The following CSNK2A2 variants were observed in gnomAD, a reference collection of about 807,000 sequenced individuals.
The protein encoded by CSNK2A2 is casein kinase II subunit alpha'.
A neutral mutation model predicts 54.0 loss-of-function variants in CSNK2A2; 8 were observed. The observed-to-expected ratio is 0.15, with a 90% CI of 0.09 to 0.27. CSNK2A2 has a LOEUF of 0.27. Among genes scored for constraint, CSNK2A2 ranks in the 10% least tolerant of loss-of-function variants. CSNK2A2 has a pLI of 1.00. For synonymous variants in CSNK2A2, 141 were observed against 153.9 expected (o/e 0.92, Z 0.62); for missense variants, 242 against 439.4 (o/e 0.55, Z 4.02).
intron 2 of CSNK2A2, among the ~76,000 whole-genome samples, chr16:58,190,919 T>C (rs1055943110): frequency 6.6e-6 from 1 of 152,200 alleles, no homozygotes; most frequent in Non-Finnish European, 1.5e-5. Context: ...CAGGAGATAT[T>C]TGTACACTCA....
chr16:58,185,658 T>A (rs1173961566), intron 3 of CSNK2A2, among the ~76,000 whole-genome samples: 1 of 152,218 alleles, frequency 6.6e-6, no homozygotes, highest in Admixed American at 6.5e-5. Flanking sequence ...ATAAAATCAA[T>A]TTGTGCTAAA....
Position 58,196,764 on chromosome 16 carries a change from T to C in CSNK2A2, c.185A>G (p.Asn62Ser), listed in dbSNP as rs752039831. ...GATTTTTACAACCACTCTCTCATTG[T>C]TGGTGATATTAATGGCCTCAAATAC... ...SEVFEAINIT[N>S]NERVVVKILK... The change falls in exon 2 of 12, where the codon AAC (asparagine) becomes AGC (serine). Residue 62 changes from asparagine to serine, a missense_variant. Asn to Ser is a conservative substitution (Grantham distance 46). Around this residue, in one of 5 missense-constraint regions of CSNK2A2, gnomAD observed 69 missense variants for 97.0 expected, o/e 0.71. Transcript: ENST00000262506. 15 of 1,613,652 alleles carry C rather than the reference T, an allele frequency of 9.3e-6. No individual in the cohort carries two copies. Among genetic ancestry groups the C allele is most frequent in the African/African-American group, 2.7e-5 (2 of 74,920 alleles).
intron 2 of CSNK2A2, among the ~76,000 whole-genome samples, chr16:58,192,359 C>T (rs1009579731): frequency 3.3e-5 from 5 of 151,694 alleles, no homozygotes; most frequent in African/African-American, 1.2e-4. Context: ...CTCAAATAAA[C>T]TCATATATTA....
chr16:58,191,952 G>A (rs1230588898), intron 2 of CSNK2A2, among the ~76,000 whole-genome samples: 1 of 152,132 alleles, frequency 6.6e-6, no homozygotes, highest in Non-Finnish European at 1.5e-5. Context: ...GTCACAGAGC[G>A]TCTACAGTTG....
chr16:58,167,601 A>C (rs1295979296), intron 7 of CSNK2A2, 84 bp downstream of exon 7: 18 of 1,064,004 alleles, frequency 1.7e-5, no homozygotes, highest in Non-Finnish European at 2.6e-5. Flanking sequence ...TTTTGAGTGT[A>C]TTCAAACTGA....
At position 58,191,817 on chromosome 16, in the gene CSNK2A2, A is replaced by C. The variant is rs117594994; in HGVS notation, c.216+4916T>G. Among the ~76,000 whole-genome samples, 1,152 of 152,276 alleles carry C rather than the reference A, an allele frequency of 7.6e-3. 24 individuals carry two copies. The highest frequency in any genetic ancestry group is 7.3e-3 in the Non-Finnish European group (495 of 68,022). The stretch of plus-strand genomic sequence containing the variant: ...CAAATGTAATATTGTTATTACTACT[A>C]TACTTTATTGATCTCTCAGGCCAGG... On this transcript the variant is annotated intron_variant, in intron 2 of 11. Coordinates refer to ENST00000262506, the MANE Select transcript of CSNK2A2 (RefSeq NM_001896.4).
chr16:58,179,965 G>A (rs1040918225), intron 4 of CSNK2A2, among the ~76,000 whole-genome samples: 2 of 151,666 alleles, frequency 1.3e-5, no homozygotes, highest in Non-Finnish European at 2.9e-5. Context: ...TGTAATCCCA[G>A]CTACTCAGGA....
chr16:58,175,867 T>C (rs1025753565), intron 4 of CSNK2A2, among the ~76,000 whole-genome samples: 2 of 152,254 alleles, frequency 1.3e-5, no homozygotes, highest in Middle Eastern at 6.8e-3. Context: ...GTACATGGTG[T>C]TGTGGGGTTG....
At chr16:58,168,926 A>ATTT (rs2142414779) in intron 5 of CSNK2A2, among the ~76,000 whole-genome samples, 1 of 150,952 alleles carries the variant, frequency 6.6e-6, no homozygotes, top group South Asian at 2.1e-4. Context: ...TATGAGGAAG[A>ATTT]TTTCTTTTTT....
At chr16:58,188,218 G>A (rs1241699749) in intron 2 of CSNK2A2, among the ~76,000 whole-genome samples, 1 of 152,170 alleles carries the variant, frequency 6.6e-6, no homozygotes. Context: ...CTGGGCTCTC[G>A]CTGCGTCCTT....
At chr16:58,192,573 T>C (rs190573137) in intron 2 of CSNK2A2, 3 of 152,210 alleles carry the variant, frequency 2.0e-5, no homozygotes, top group Non-Finnish European at 2.9e-5. Context: ...TGGGTCCCTA[T>C]AGCCCTCGAG....
rs976259343 is a variant in CSNK2A2, at chr16:58,165,414, C to A, written c.976+146G>T. 3 of 753,530 alleles carry A rather than the reference C, an allele frequency of 4.0e-6. No homozygotes were observed. The East Asian group carries it at 9.0e-5, about 23-fold the overall frequency. The allele number at this position is 753,530 out of a possible 1,614,324, so 46.7% of individuals were successfully genotyped here. ...AAGAAACGGATCTGCAAAGTTGTCT[C>A]AATCATCTACGATAAATGAGGCCAA... On this transcript the variant is annotated intron_variant, in intron 10 of 11. Coordinates refer to ENST00000262506, the MANE Select transcript of CSNK2A2 (RefSeq NM_001896.4).
Position 58,165,604 on chromosome 16 carries a change from T to C in CSNK2A2, c.932A>G (p.Gln311Arg), listed in dbSNP as rs772756341. ...GGCCTCTTTGGCAGTCAGTCTCTGT[T>C]GATGGTCGTATCGCAGAAGTTTGTC... ...LLDKLLRYDH[Q>R]QRLTAKEAME... is the part of the protein sequence containing the mutation. The change falls in exon 10 of 12, where the codon CAA (glutamine) becomes CGA (arginine). Residue 311 changes from glutamine (Q) to arginine (R), a missense_variant. Around this residue, in one of 5 missense-constraint regions of CSNK2A2, gnomAD observed 81 missense variants for 135.0 expected, o/e 0.60. Coordinates refer to ENST00000262506, the MANE Select transcript of CSNK2A2 (RefSeq NM_001896.4). The C allele has an allele frequency of 6.2e-7, 1 of 1,614,134 alleles. No homozygotes were observed. The highest frequency in any genetic ancestry group is 2.2e-5 in the East Asian group (1 of 44,888).
chr16:58,181,331 G>A lies in CSNK2A2; in HGVS notation c.369+2929C>T, dbSNP rs140528394. On this transcript the variant is annotated intron_variant, in intron 4 of 11. Transcript: ENST00000262506. The stretch of plus-strand genomic sequence containing the variant: ...TTTAAGAGAGGAAACAGAGTGCACC[G>A]GAAACGGGAAAATGAGTTTAAGATG... 3.5e-4 allele frequency among the ~76,000 whole-genome samples: 53 copies of A among 152,276 alleles called. No individual in the cohort carries two copies. In the East Asian group the frequency reaches 9.5e-3, roughly 27 times the overall value.
At chr16:58,173,243 AG>A (rs1961787081) in intron 5 of CSNK2A2, among the ~76,000 whole-genome samples, 3 of 152,226 alleles carry the variant, frequency 2.0e-5, no homozygotes, top group Admixed American at 6.5e-5. Flanking sequence ...ACTGACAAAA[AG>A]GAAGACCCAT....
intron 5 of CSNK2A2, among the ~76,000 whole-genome samples, chr16:58,172,101 G>A (rs1251995524): frequency 1.3e-5 from 2 of 149,336 alleles, no homozygotes; most frequent in Non-Finnish European, 3.0e-5. Flanking sequence ...GGATTTATAG[G>A]CGTGAGCCAC....
chr16:58,176,571 G>T (rs558542406), intron 4 of CSNK2A2, among the ~76,000 whole-genome samples: 4 of 152,258 alleles, frequency 2.6e-5, no homozygotes, highest in South Asian at 4.1e-4. Flanking sequence ...CCACAGTCTG[G>T]CTTCCTCCGA....
intron 2 of CSNK2A2, among the ~76,000 whole-genome samples, chr16:58,196,113 A>T (rs987864511): frequency 1.3e-5 from 2 of 152,198 alleles, no homozygotes; most frequent in African/African-American, 4.8e-5. Flanking sequence ...GGGAGCCCTT[A>T]AATTGAGAGT....
chr16:58,191,582 C>T (rs971519480), intron 2 of CSNK2A2, among the ~76,000 whole-genome samples: 4 of 152,086 alleles, frequency 2.6e-5, no homozygotes, highest in Non-Finnish European at 4.4e-5. Flanking sequence ...AGGCTGGTCT[C>T]GAACTCCTGA....
Sources: allele counts gnomAD v4.1 joint callset (sites outside exome capture counted in the v4.1 genomes callset), GRCh38; gene constraint gnomAD v4.1.1; regional missense constraint gnomAD v4.1.1; transcripts MANE v1.5; gene names NCBI Gene and HGNC (gene_info 2026-07-23, HGNC 2026-07-21).